JADE2: variants seen among roughly 807,000 people sequenced by gnomAD.
The protein encoded by JADE2 is jade family PHD finger 2.
Under a neutral mutation model 85.7 loss-of-function variants are expected in JADE2, and 13 were observed. That is an observed-to-expected ratio of 0.15 (90% CI 0.10 to 0.24). The LOEUF is 0.24. JADE2 is among the 10% of genes least tolerant of loss of function. JADE2 has a pLI of 1.00. For missense variants in JADE2, 846 were observed against 1,115.9 expected (o/e 0.76, Z 3.45); for synonymous variants, 440 against 456.1 (o/e 0.96, Z 0.45).
chr5:134,556,350 C>T (rs1313519158), intron 4 of JADE2, among the ~76,000 whole-genome samples: 1 of 152,152 alleles, frequency 6.6e-6, no homozygotes, highest in Non-Finnish European at 1.5e-5. Flanking sequence ...AAACCGTGCC[C>T]TCCTGAGGCA....
intron 7 of JADE2, among the ~76,000 whole-genome samples, chr5:134,563,476 G>C (rs570844139): frequency 2.0e-5 from 3 of 152,326 alleles, no homozygotes; most frequent in Admixed American, 2.0e-4. Flanking sequence ...AGTTAGCAGA[G>C]GTCCTGGGTG....
rs542427141 is a variant in JADE2, at chr5:134,576,200, A to G, written c.1553-568A>G. On this transcript the variant is annotated intron_variant, in intron 10 of 11. Transcript: ENST00000681547. The stretch of plus-strand genomic sequence containing the variant: ...GGCAACAGAGCAAGACTCTCTCTCA[A>G]AACAAACCAAAACAGATGAGACTGA... Among the ~76,000 whole-genome samples the G allele has an allele frequency of 2.6e-5, 4 of 152,156 alleles. No homozygotes were observed. In the South Asian group the frequency reaches 6.2e-4, roughly 24 times the overall value.
intron 1 of JADE2, chr5:134,533,402 A>G: frequency 3.2e-6 from 1 of 312,604 alleles, no homozygotes; most frequent in African/African-American, 2.3e-5. Flanking sequence ...GTAAAAAGCC[A>G]GTTCCAGTTT....
intron 2 of JADE2, 141 bp from the exon 3 acceptor site, chr5:134,537,848 C>G (rs764145833): frequency 3.2e-6 from 2 of 618,792 alleles, no homozygotes; most frequent in Middle Eastern, 3.1e-4. Context: ...AGGCCCAGAG[C>G]AGGGATACTA....
Position 134,579,372 on chromosome 5 carries a change from C to A in JADE2, c.*55C>A. On this transcript the variant is annotated 3_prime_UTR_variant, in exon 12 of 12. Transcript: ENST00000681547. This position sits in a 1 kb window ranked among gnomAD's most constrained non-coding sequence, Gnocchi z 4.6. ...CCTGGTCCCCCCACAAGGCCTCAGC[C>A]CAGTCACAACTGCCATTTCCAGTCT... 1 of 1,348,880 alleles carries A rather than the reference C, an allele frequency of 7.4e-7. No homozygotes were observed. 83.6% of individuals were successfully genotyped at this position (1,348,880 alleles called of 1,614,324 possible).
chr5:134,555,327 C>T (rs1385814551), intron 4 of JADE2, among the ~76,000 whole-genome samples: 3 of 152,222 alleles, frequency 2.0e-5, no homozygotes, highest in Non-Finnish European at 2.9e-5. Flanking sequence ...GTCTGGTCTT[C>T]TAGGGTAAAG....
At chr5:134,573,145 G>GTTTTTGCCATGCCA (rs1215698628) in intron 9 of JADE2, among the ~76,000 whole-genome samples, 2 of 152,246 alleles carry the variant, frequency 1.3e-5, no homozygotes, top group Admixed American at 1.3e-4. Flanking sequence ...ACAAGTGTTA[G>GTTTTTGCCATGCCA]TTTTTGCCAT....
rs1325026752 is a variant in JADE2 at position 134,581,589 on chromosome 5, G to C, written c.*2272G>C. On this transcript the variant is annotated 3_prime_UTR_variant, in exon 12 of 12. Transcript: ENST00000681547. ...GAGAATTAGGGAGAGGGTGCAACGA[G>C]TCTGGCCCCTTGCCTCGGGCTGGCT... 1 of 152,694 alleles carries C rather than the reference G, an allele frequency of 6.5e-6. No homozygotes were observed. The highest frequency in any genetic ancestry group is 1.5e-5 in the Non-Finnish European group (1 of 68,436). The allele number at this position is 152,694 out of a possible 1,614,324, so 9.5% of individuals were successfully genotyped here.
intron 3 of JADE2, among the ~76,000 whole-genome samples, chr5:134,539,300 T>G (rs556776129): frequency 6.6e-6 from 1 of 152,172 alleles, no homozygotes. Flanking sequence ...CCTGACCTTG[T>G]GATCCGCCCG....
chr5:134,551,545 A>G (rs1044976066), intron 3 of JADE2, among the ~76,000 whole-genome samples: 2 of 134,628 alleles, frequency 1.5e-5, no homozygotes, highest in African/African-American at 2.8e-5. Context: ...TTTTTTTTTA[A>G]TTTTTTAATT....
chr5:134,545,187 T>G (rs1351549760), intron 3 of JADE2, among the ~76,000 whole-genome samples: 3 of 152,202 alleles, frequency 2.0e-5, no homozygotes, highest in Non-Finnish European at 4.4e-5. Flanking sequence ...GGGCGAGCCC[T>G]TCCGCTAGGC....
At chr5:134,567,169 C>T (rs758147981) in intron 9 of JADE2, among the ~76,000 whole-genome samples, 9 of 152,104 alleles carry the variant, frequency 5.9e-5, no homozygotes, top group Non-Finnish European at 1.0e-4. Flanking sequence ...ACTCAAGGAA[C>T]GGTGGAGTGG....
chr5:134,545,565 T>G (rs974314072), intron 3 of JADE2, among the ~76,000 whole-genome samples: 7 of 152,148 alleles, frequency 4.6e-5, no homozygotes, highest in Non-Finnish European at 1.0e-4. Flanking sequence ...TTTATCAGGT[T>G]CCGGCCCAGA....
intron 9 of JADE2, among the ~76,000 whole-genome samples, chr5:134,571,202 C>A (rs1304955796): frequency 6.6e-6 from 1 of 152,244 alleles, no homozygotes; most frequent in Non-Finnish European, 1.5e-5. Flanking sequence ...TGTGTCAGGA[C>A]TCCACTCATA....
intron 3 of JADE2, among the ~76,000 whole-genome samples, chr5:134,549,790 G>A (rs1762500996): frequency 6.6e-6 from 1 of 152,236 alleles, no homozygotes; most frequent in Non-Finnish European, 1.5e-5. Context: ...ATGATGCACT[G>A]TCCCAAGTGT....
intron 4 of JADE2, among the ~76,000 whole-genome samples, chr5:134,554,869 T>C (rs903043760): frequency 2.2e-4 from 34 of 152,224 alleles, no homozygotes; most frequent in Non-Finnish European, 7.3e-5. Flanking sequence ...TCTTGAGGAC[T>C]TGCTATGCTG....
intron 5 of JADE2, 105 bp from the exon 6 acceptor site, chr5:134,560,641 C>T (rs1027986017): frequency 2.1e-6 from 2 of 955,988 alleles, no homozygotes; most frequent in Non-Finnish European, 3.2e-6. Flanking sequence ...GAAACCCTCC[C>T]AGACATCTGC....
chr5:134,534,572 T>C (rs1022298269), intron 1 of JADE2, among the ~76,000 whole-genome samples: 2 of 152,060 alleles, frequency 1.3e-5, no homozygotes, highest in Non-Finnish European at 2.9e-5. Context: ...ACACCCACCT[T>C]AGAGAGCAGA....
chr5:134,577,155 C>G (rs569521184), intron 11 of JADE2: 10 of 400,632 alleles, frequency 2.5e-5, no homozygotes, highest in Middle Eastern at 6.7e-4. Flanking sequence ...CAGGAACTGT[C>G]CAGTCATTCC....
Sources: gnomAD v4.1 joint callset for allele counts (sites outside exome capture counted in the v4.1 genomes callset) on GRCh38, gnomAD v4.1.1 for gene constraint, Gnocchi (gnomAD v3.1) non-coding constraint, MANE v1.5 for transcripts, NCBI Gene and HGNC (gene_info 2026-07-23, HGNC 2026-07-21) for gene names.